Variants in MARCHF8 observed in about 807,000 individuals in gnomAD.
MARCHF8 encodes membrane associated ring-CH-type finger 8, also known as E3 ubiquitin-protein ligase MARCHF8.
MARCHF8 carries 40 observed loss-of-function variants against 51.6 expected under a neutral mutation model. The observed-to-expected ratio is 0.77, with a 90% CI of 0.60 to 1.01. MARCHF8 has a LOEUF of 1.01. Ranked by LOEUF, MARCHF8 falls within the 50% of genes least tolerant of loss-of-function variation. The probability of loss-of-function intolerance (pLI) is 0.00; values close to 1 mark genes in which losing one functional copy is unlikely to be tolerated. For missense variants in MARCHF8, 685 were observed against 708.6 expected (o/e 0.97, Z 0.38); for synonymous variants, 263 against 280.3 (o/e 0.94, Z 0.62).
intron 1 of MARCHF8, among the ~76,000 whole-genome samples, chr10:45,545,067 C>T (rs1404231086): frequency 3.3e-5 from 5 of 152,170 alleles, no homozygotes; most frequent in Admixed American, 3.3e-4. Context: ...AACCATCTGA[C>T]CATCCTGACA....
chr10:45,524,819 G>A (rs1589149979), intron 2 of MARCHF8, among the ~76,000 whole-genome samples: 1 of 151,648 alleles, frequency 6.6e-6, no homozygotes, highest in Non-Finnish European at 1.5e-5. Context: ...AAAAAAAAAA[G>A]CACAAAACAA....
chr10:45,556,017 G>A (rs2044248389), intron 1 of MARCHF8, among the ~76,000 whole-genome samples: 1 of 152,154 alleles, frequency 6.6e-6, no homozygotes, highest in Non-Finnish European at 1.5e-5. Context: ...CATCTTGCAT[G>A]CCCATGATTA....
chr10:45,468,338 C>T (rs1031161511), intron 3 of MARCHF8, among the ~76,000 whole-genome samples: 1 of 152,220 alleles, frequency 6.6e-6, no homozygotes, highest in Non-Finnish European at 1.5e-5. Flanking sequence ...GTGCACACAT[C>T]CTTCTCACTG....
chr10:45,558,760 G>A (rs770693518), intron 1 of MARCHF8, among the ~76,000 whole-genome samples: 6 of 152,154 alleles, frequency 3.9e-5, no homozygotes, highest in Admixed American at 6.5e-5. Context: ...CAGTGAGACC[G>A]GAGAGCATGC....
chr10:45,490,619 T>C (rs1350235466), intron 2 of MARCHF8, among the ~76,000 whole-genome samples: 2 of 152,028 alleles, frequency 1.3e-5, no homozygotes, highest in East Asian at 1.9e-4. Context: ...CCTATGACTT[T>C]CTTTAAAAAA....
At chr10:45,489,769 A>T (rs777415223) in intron 2 of MARCHF8, among the ~76,000 whole-genome samples, 10 of 152,216 alleles carry the variant, frequency 6.6e-5, no homozygotes, top group Non-Finnish European at 1.5e-4. Flanking sequence ...GTCTTAAGAC[A>T]CATTTCAAGT....
At chr10:45,586,018 C>T (rs1270472611) in intron 1 of MARCHF8, among the ~76,000 whole-genome samples, 1 of 152,110 alleles carries the variant, frequency 6.6e-6, no homozygotes, top group Non-Finnish European at 1.5e-5. Flanking sequence ...TATGTTCAGT[C>T]TGTAAATGCT....
intron 3 of MARCHF8, among the ~76,000 whole-genome samples, chr10:45,484,759 C>T (rs1409701400): frequency 2.0e-5 from 3 of 152,062 alleles, no homozygotes; most frequent in African/African-American, 7.2e-5. Context: ...TGGGAGAGGC[C>T]TCTCGGACAG....
intron 1 of MARCHF8, among the ~76,000 whole-genome samples, chr10:45,558,800 G>C (rs1162708960): frequency 6.6e-6 from 1 of 152,178 alleles, no homozygotes; most frequent in Non-Finnish European, 1.5e-5. Context: ...AGGTACAAAG[G>C]ATCTTTCACC....
intron 1 of MARCHF8, among the ~76,000 whole-genome samples, chr10:45,550,312 C>A (rs555688319): frequency 6.6e-6 from 1 of 152,134 alleles, no homozygotes; most frequent in Non-Finnish European, 1.5e-5. Flanking sequence ...CAATCCATAC[C>A]GCTTGAAGAT....
intron 1 of MARCHF8, among the ~76,000 whole-genome samples, chr10:45,568,874 T>C (rs886605903): frequency 3.3e-5 from 5 of 151,666 alleles, no homozygotes; most frequent in African/African-American, 9.7e-5. Flanking sequence ...CGAGACCATC[T>C]TGGCTAACAC....
chr10:45,480,523 G>A (rs567641080), intron 3 of MARCHF8, among the ~76,000 whole-genome samples: 11 of 152,254 alleles, frequency 7.2e-5, no homozygotes, highest in South Asian at 2.1e-4. Context: ...CCCCCTTGCT[G>A]TGTGCAGCCT....
chr10:45,496,778 T>C (rs554538025), intron 2 of MARCHF8, among the ~76,000 whole-genome samples: 30 of 152,060 alleles, frequency 2.0e-4, no homozygotes, highest in African/African-American at 5.8e-4. Flanking sequence ...GAAAAATATA[T>C]ATATATATAG....
intron 1 of MARCHF8, among the ~76,000 whole-genome samples, chr10:45,587,602 A>C (rs1184881185): frequency 6.6e-6 from 1 of 152,194 alleles, no homozygotes; most frequent in Admixed American, 6.5e-5. Flanking sequence ...ACTTTTGAAA[A>C]CACAAAGGAC....
At chr10:45,471,179 C>T (rs547923256) in intron 3 of MARCHF8, among the ~76,000 whole-genome samples, 10 of 152,280 alleles carry the variant, frequency 6.6e-5, no homozygotes, top group African/African-American at 1.7e-4. Context: ...GCATTGCTTA[C>T]GCCAAGTAGC....
intron 3 of MARCHF8, among the ~76,000 whole-genome samples, chr10:45,467,454 C>T (rs1289366989): frequency 6.6e-6 from 1 of 152,158 alleles, no homozygotes; most frequent in East Asian, 1.9e-4. Context: ...AGAACCAATC[C>T]ATAGGCAGAA....
chr10:45,512,526 G>A (rs1418283623), intron 2 of MARCHF8, among the ~76,000 whole-genome samples: 5 of 145,036 alleles, frequency 3.4e-5, no homozygotes, highest in Non-Finnish European at 4.5e-5. Context: ...GGTGAGGGGC[G>A]CCTCTGCCCG....
intron 1 of MARCHF8, among the ~76,000 whole-genome samples, chr10:45,580,426 C>T (rs936641826): frequency 6.6e-6 from 1 of 152,162 alleles, no homozygotes; most frequent in African/African-American, 2.4e-5. Flanking sequence ...GATCTCACCC[C>T]TCACCATCTG....
At chr10:45,517,431 T>C (rs2043638169) in intron 2 of MARCHF8, among the ~76,000 whole-genome samples, 1 of 152,086 alleles carries the variant, frequency 6.6e-6, no homozygotes, top group African/African-American at 2.4e-5. Context: ...CAGGAATGGT[T>C]TTTACCACCA....
Sources: gnomAD v4.1 joint callset for allele counts (sites outside exome capture counted in the v4.1 genomes callset) on GRCh38, gnomAD v4.1.1 for gene constraint, MANE v1.5 for transcripts, NCBI Gene and HGNC (gene_info 2026-07-23, HGNC 2026-07-21) for gene names.